Variants in SLC35F1 observed in about 807,000 individuals in gnomAD.
SLC35F1 encodes the protein solute carrier family 35 member F1, also known as chromosome 6 open reading frame 169.
In SLC35F1, 14 loss-of-function variants were observed where a neutral mutation model predicts 48.7. The ratio of observed to expected loss-of-function variants is 0.29; its 90% confidence interval spans 0.19 to 0.45. SLC35F1 has a LOEUF of 0.45. Ranked by LOEUF, SLC35F1 falls within the 20% of genes least tolerant of loss-of-function variation. The pLI, the probability that SLC35F1 is intolerant of heterozygous loss-of-function variation, is 1.00. For synonymous variants in SLC35F1, 190 were observed against 202.2 expected, an observed-to-expected ratio of 0.94 and a Z score of 0.51; for missense variants, 404 against 500.0, an observed-to-expected ratio of 0.81 and a Z score of 1.83.
chr6:118,293,780 A>T (rs445566), intron 7 of SLC35F1, among the ~76,000 whole-genome samples: 82,033 of 152,074 alleles, frequency 0.54, 22,592 homozygotes, highest in African/African-American at 0.63. Context: ...AAAGTAGTTC[A>T]GGTATCTTGC....
At chr6:118,267,280 G>C in intron 4 of SLC35F1, 126 bp downstream of exon 4, 1 of 1,059,560 alleles carries the variant, frequency 9.4e-7, no homozygotes, top group Non-Finnish European at 1.4e-6. Context: ...TCTGTGTCCT[G>C]TTCATGTCTG....
chr6:117,943,466 G>A (rs1776257722), intron 1 of SLC35F1, among the ~76,000 whole-genome samples: 1 of 152,172 alleles, frequency 6.6e-6, no homozygotes, highest in Non-Finnish European at 1.5e-5. Flanking sequence ...AATGTCAGGA[G>A]AAATTGAACA....
chr6:118,232,816 A>T (rs1293249243), intron 2 of SLC35F1, among the ~76,000 whole-genome samples: 2 of 152,046 alleles, frequency 1.3e-5, no homozygotes, highest in South Asian at 2.1e-4. Context: ...TCTCTTTGGG[A>T]TTCTTAGCTC....
chr6:118,297,529 G>C (rs888311821), intron 7 of SLC35F1, among the ~76,000 whole-genome samples: 4 of 151,254 alleles, frequency 2.6e-5, no homozygotes, highest in African/African-American at 9.7e-5. Flanking sequence ...GTTCACAGGG[G>C]TTGCATTCCT....
chr6:118,279,925 A>T (rs1775961787), intron 6 of SLC35F1, among the ~76,000 whole-genome samples: 1 of 152,230 alleles, frequency 6.6e-6, no homozygotes, highest in South Asian at 2.1e-4. Context: ...ATTTTATCAA[A>T]GTGGAAAGAT....
At chr6:118,041,848 A>T (rs927906634) in intron 1 of SLC35F1, among the ~76,000 whole-genome samples, 5 of 152,044 alleles carry the variant, frequency 3.3e-5, no homozygotes, top group African/African-American at 1.2e-4. Flanking sequence ...CGGGTTAGAG[A>T]AGTTGTCATG....
At chr6:117,983,238 A>C (rs1281772350) in intron 1 of SLC35F1, among the ~76,000 whole-genome samples, 1 of 152,188 alleles carries the variant, frequency 6.6e-6, no homozygotes, top group Non-Finnish European at 1.5e-5. Flanking sequence ...GAGGCCTAGA[A>C]AACCAACTCC....
intron 3 of SLC35F1, among the ~76,000 whole-genome samples, chr6:118,253,523 G>A (rs1775602453): frequency 6.6e-6 from 1 of 152,014 alleles, no homozygotes; most frequent in Non-Finnish European, 1.5e-5. Context: ...TAAGAGGTGG[G>A]GTGAGAGCCA....
intron 2 of SLC35F1, among the ~76,000 whole-genome samples, chr6:118,162,334 A>G (rs890061965): frequency 2.0e-5 from 3 of 152,204 alleles, no homozygotes; most frequent in African/African-American, 7.2e-5. Context: ...AACTATAAGG[A>G]CAGAGAATAG....
At chr6:118,146,058 C>T (rs1454592732) in intron 1 of SLC35F1, among the ~76,000 whole-genome samples, 1 of 152,106 alleles carries the variant, frequency 6.6e-6, no homozygotes, top group African/African-American at 2.4e-5. Context: ...GATGCTTTGC[C>T]ATATTGGGAT....
intron 1 of SLC35F1, among the ~76,000 whole-genome samples, chr6:118,073,525 A>C (rs931946090): frequency 2.0e-5 from 3 of 152,220 alleles, no homozygotes; most frequent in Non-Finnish European, 4.4e-5. Context: ...TAAAGTAGCC[A>C]TATCCTTACC....
intron 3 of SLC35F1, among the ~76,000 whole-genome samples, chr6:118,260,779 T>C (rs2114613627): frequency 6.6e-6 from 1 of 152,342 alleles, no homozygotes; most frequent in South Asian, 2.1e-4. Flanking sequence ...CCTCTAATTC[T>C]GCAGTTCTCA....
At chr6:118,009,492 A>G (rs1295021129) in intron 1 of SLC35F1, among the ~76,000 whole-genome samples, 2 of 152,194 alleles carry the variant, frequency 1.3e-5, no homozygotes, top group East Asian at 3.9e-4. Flanking sequence ...GAGAGAACAA[A>G]TAAGTATAAG....
At chr6:117,984,109 A>G (rs1013584060) in intron 1 of SLC35F1, among the ~76,000 whole-genome samples, 1 of 152,212 alleles carries the variant, frequency 6.6e-6, no homozygotes, top group African/African-American at 2.4e-5. Flanking sequence ...TAGTAACACA[A>G]CTATCAAATA....
chr6:118,071,010 ACG>A (rs1491170789), intron 1 of SLC35F1, among the ~76,000 whole-genome samples: 2 of 137,774 alleles, frequency 1.5e-5, no homozygotes, highest in East Asian at 2.1e-4. Flanking sequence ...ATATATATAC[ACG>A]TAGTATATAT....
chr6:118,116,269 A>T (rs1044511816), intron 1 of SLC35F1, among the ~76,000 whole-genome samples: 2 of 152,204 alleles, frequency 1.3e-5, no homozygotes, highest in Non-Finnish European at 2.9e-5. Context: ...ACCATAAGTT[A>T]TCGGCAGATT....
intron 1 of SLC35F1, among the ~76,000 whole-genome samples, chr6:118,018,573 G>A (rs926441357): frequency 7.2e-5 from 11 of 151,978 alleles, no homozygotes; most frequent in Non-Finnish European, 1.3e-4. Flanking sequence ...TTCAGATAGG[G>A]ATAGTTTAAA....
chr6:118,162,858 A>G (rs984184928), intron 2 of SLC35F1, among the ~76,000 whole-genome samples: 3 of 152,230 alleles, frequency 2.0e-5, no homozygotes, highest in Admixed American at 2.0e-4. Flanking sequence ...CAGTGCTTAC[A>G]GGGTGAATCT....
chr6:118,056,443 A>G (rs767971872), intron 1 of SLC35F1, among the ~76,000 whole-genome samples: 4 of 152,220 alleles, frequency 2.6e-5, no homozygotes, highest in Non-Finnish European at 5.9e-5. Flanking sequence ...ATAAAAGAAG[A>G]CTTTTTGATA....
Sources: allele counts gnomAD v4.1 joint callset (sites outside exome capture counted in the v4.1 genomes callset), GRCh38; gene constraint gnomAD v4.1.1; transcripts MANE v1.5; gene names NCBI Gene and HGNC (gene_info 2026-07-23, HGNC 2026-07-21).